Variants in TNC observed in about 807,000 individuals in gnomAD.
The protein encoded by TNC is tenascin C.
Under a neutral mutation model 202.4 loss-of-function variants are expected in TNC, and 109 were observed. That is an observed-to-expected ratio of 0.54 (90% CI 0.46 to 0.63). The LOEUF is 0.63. Among genes scored for constraint, TNC ranks in the 30% least tolerant of loss-of-function variants. TNC has a pLI of 0.00. For missense variants in TNC, 2,756 were observed against 2,833.3 expected, an observed-to-expected ratio of 0.97 and a Z score of 0.62; for synonymous variants, 1,007 against 1,089.7, an observed-to-expected ratio of 0.92 and a Z score of 1.50.
intron 1 of TNC, among the ~76,000 whole-genome samples, chr9:115,094,352 G>A (rs140046959): frequency 6.6e-5 from 10 of 152,272 alleles, no homozygotes; most frequent in African/African-American, 1.4e-4. Context: ...TCACTGGTGG[G>A]TGAGGAGGTA....
chr9:115,057,460 T>A (rs1484165700), intron 14 of TNC, 35 bp from the exon 15 acceptor site: 65 of 1,545,052 alleles, frequency 4.2e-5, no homozygotes, highest in Non-Finnish European at 5.2e-5. Flanking sequence ...AAGAAAAAAA[T>A]AAATTTGAGT....
At position 115,086,650 on chromosome 9, in the gene TNC, A is replaced by C. The variant is rs1834764840; in HGVS notation, c.1081T>G (p.Cys361Gly). The change falls in exon 3 of 28, where the codon TGT becomes GGT. Residue 361 changes from cysteine (C) to glycine (G), a missense_variant. Physicochemically the swap from Cys to Gly is radical, Grantham distance 159. Coordinates refer to ENST00000350763, the MANE Select transcript of TNC (RefSeq NM_002160.4). ...CCGGCAAAGCCCTCATCACATACAC[A>C]CTGCCCCTCCTCACACCGGCCCTGG... ...HTQGRCEEGQ[C>G]VCDEGFAGVD... is the part of the protein sequence containing the mutation. 1 of 1,613,896 alleles carries C rather than the reference A, an allele frequency of 6.2e-7. No individual in the cohort carries two copies. Among genetic ancestry groups the C allele is most frequent in the Non-Finnish European group, 8.5e-7 (1 of 1,180,018 alleles).
chr9:115,063,064 C>A lies in TNC; in HGVS notation c.3886G>T (p.Val1296Leu). ...ACCGTGAGATTGTGAGCCTCTTCCA[C>A]CTGGTCAGCCTCCTGGACCTGAATA... ...FTIQVQEADQ[V>L]EEAHNLTVPG... The change falls in exon 13 of 28, where the codon GTG becomes TTG. Residue 1296 changes from valine (V) to leucine (L), a missense_variant. By Grantham distance (32) the Val-to-Leu change is conservative (BLOSUM62 1). Around this residue, in one of 2 missense-constraint regions of TNC, gnomAD observed 2,559 missense variants for 2,546.0 expected, o/e 1.01. Transcript: ENST00000350763. 6.2e-7 allele frequency: 1 copy of A among 1,614,154 alleles called. No homozygotes were observed. Among genetic ancestry groups the A allele is most frequent in the Non-Finnish European group, 8.5e-7 (1 of 1,180,028 alleles).
intron 22 of TNC, among the ~76,000 whole-genome samples, chr9:115,032,545 G>T (rs1830027755): frequency 6.6e-6 from 1 of 152,152 alleles, no homozygotes; most frequent in Non-Finnish European, 1.5e-5. Flanking sequence ...ACTCTCAGAA[G>T]CTTTAAAACA....
chr9:115,032,224 C>T (rs568084167), intron 22 of TNC, among the ~76,000 whole-genome samples: 1 of 152,160 alleles, frequency 6.6e-6, no homozygotes, highest in East Asian at 1.9e-4. Context: ...GCGACCTCAA[C>T]CATACTTAGC....
At chr9:115,114,968 A>G (rs557199015) in intron 1 of TNC, 2 of 152,264 alleles carry the variant, frequency 1.3e-5, no homozygotes, top group African/African-American at 4.8e-5. Context: ...ACAAAAGGAC[A>G]TATATTTCGA....
intron 6 of TNC, among the ~76,000 whole-genome samples, chr9:115,080,220 T>C (rs1834196819): frequency 6.6e-6 from 1 of 152,188 alleles, no homozygotes; most frequent in Admixed American, 6.5e-5. Flanking sequence ...ATTCCCAAAT[T>C]TAGATAAACA....
intron 4 of TNC, among the ~76,000 whole-genome samples, chr9:115,083,958 C>T (rs539344294): frequency 6.6e-6 from 1 of 152,280 alleles, no homozygotes; most frequent in South Asian, 2.1e-4. Flanking sequence ...GTCTGATACA[C>T]AGTAAACACT....
At chr9:115,078,642 A>G (rs868759926) in intron 6 of TNC, among the ~76,000 whole-genome samples, 1 of 152,122 alleles carries the variant, frequency 6.6e-6, no homozygotes, top group South Asian at 2.1e-4. Flanking sequence ...TGTTTCCTGA[A>G]AACTTTTCCA....
At chr9:115,088,037 C>T (rs1301536046) in intron 2 of TNC, among the ~76,000 whole-genome samples, 3 of 152,154 alleles carry the variant, frequency 2.0e-5, no homozygotes, top group Admixed American at 6.5e-5. Context: ...CTCATCAAGG[C>T]CAGGCACATA....
At chr9:115,096,509 A>G (rs930231884) in intron 1 of TNC, among the ~76,000 whole-genome samples, 2 of 152,202 alleles carry the variant, frequency 1.3e-5, no homozygotes, top group African/African-American at 4.8e-5. Flanking sequence ...AGCGCATGGT[A>G]CAAAATGAGG....
chr9:115,096,710 T>A (rs1221862940), intron 1 of TNC, among the ~76,000 whole-genome samples: 1 of 152,192 alleles, frequency 6.6e-6, no homozygotes, highest in Non-Finnish European at 1.5e-5. Context: ...TTTCCATACC[T>A]TACATGTTTG....
Position 115,042,202 on chromosome 9 carries a change from C to T in TNC, c.5248+17G>A. 1.9e-6 allele frequency: 3 copies of T among 1,612,424 alleles called. No homozygotes were observed. The highest frequency in any genetic ancestry group is 2.7e-5 in the African/African-American group (2 of 74,968). ...CCACAACACTCCTCCTCTCTCTCCC[C>T]TTTCCGAGTCTCCTACCTCCTGTAA... On this transcript the variant is annotated intron_variant, in intron 18 of 27. Transcript: ENST00000350763.
chr9:115,111,399 C>CTTTTTT lies in TNC; in HGVS notation c.-137+6577_-137+6582dup, dbSNP rs71375272. On this transcript the variant is annotated intron_variant, in intron 1 of 27. Transcript: ENST00000350763. ...GCTTATAGACTTTCTCTCTCTCTCTCTTTTTTTTTTTTTTTTTTTTTTTTT... is the reference window on the plus strand; with the variant it reads ...GCTTATAGACTTTCTCTCTCTCTCTCTTTTTTTTTTTTTTTTTTTTTTTTTTTTTTT... 1.3e-4 allele frequency among the ~76,000 whole-genome samples: 9 copies of CTTTTTT among 71,342 alleles called. 1 individual carries two copies. The highest frequency in any genetic ancestry group is 1.8e-4 in the African/African-American group (3 of 16,616). 46.8% of individuals were successfully genotyped at this position (71,342 alleles called of 152,430 possible). A position where few individuals can be genotyped will look rare whatever the true frequency, so the allele number is the denominator to read the frequency against.
intron 1 of TNC, among the ~76,000 whole-genome samples, chr9:115,105,540 T>C (rs1015006706): frequency 4.6e-5 from 7 of 152,204 alleles, no homozygotes; most frequent in African/African-American, 1.2e-4. Flanking sequence ...GTTTTAATTA[T>C]GTTAAAGGGT....
intron 18 of TNC, among the ~76,000 whole-genome samples, chr9:115,041,932 ATC>A (rs1265299632): frequency 6.6e-6 from 1 of 152,206 alleles, no homozygotes; most frequent in East Asian, 1.9e-4. Context: ...TATATTTAGA[ATC>A]TTTTGCCATT....
At chr9:115,050,280 C>T (rs1043789196) in intron 15 of TNC, among the ~76,000 whole-genome samples, 3 of 152,046 alleles carry the variant, frequency 2.0e-5, no homozygotes, top group African/African-American at 4.8e-5. Context: ...TCTTTTAAAA[C>T]GCAATCTTTT....
intron 6 of TNC, among the ~76,000 whole-genome samples, chr9:115,079,803 C>A (rs1834162308): frequency 6.6e-6 from 1 of 152,156 alleles, no homozygotes; most frequent in South Asian, 2.1e-4. Context: ...ATCCTTTTCC[C>A]CCTTTACATG....
chr9:115,073,942 A>T, intron 9 of TNC, 76 bp from the exon 10 acceptor site: 1 of 1,479,138 alleles, frequency 6.8e-7, no homozygotes, highest in Non-Finnish European at 9.1e-7. Context: ...AGTCAACTGC[A>T]TCTGGGCTGG....
Sources: gnomAD v4.1 joint callset for allele counts (sites outside exome capture counted in the v4.1 genomes callset) on GRCh38, gnomAD v4.1.1 for gene constraint, gnomAD v4.1.1 regional missense constraint, MANE v1.5 for transcripts, NCBI Gene and HGNC (gene_info 2026-07-23, HGNC 2026-07-21) for gene names.